The following PPP1R8 variants were observed in gnomAD, a reference collection of about 807,000 sequenced individuals.
PPP1R8 encodes protein phosphatase 1 regulatory subunit 8.
A neutral mutation model predicts 31.3 loss-of-function variants in PPP1R8; 4 were observed. The observed-to-expected ratio is 0.13, with a 90% confidence interval of 0.06 to 0.29. The LOEUF (loss-of-function observed/expected upper bound fraction) is 0.29. Among genes scored for constraint, PPP1R8 ranks in the 10% least tolerant of loss-of-function variants. PPP1R8 has a pLI of 1.00. For synonymous variants in PPP1R8, 170 were observed against 169.7 expected (o/e 1.00, Z -0.01); for missense variants, 254 against 440.1 (o/e 0.58, Z 3.78).
intron 5 of PPP1R8, among the ~76,000 whole-genome samples, chr1:27,845,380 A>C (rs1379318556): frequency 2.0e-5 from 3 of 146,778 alleles, no homozygotes; most frequent in Admixed American, 6.8e-5. Context: ...ACAGAGCAAG[A>C]CTCCGTTTCA....
chr1:27,850,482 G>GGGGGA lies in PPP1R8; in HGVS notation c.*36_*37insGGGGA. The GGGGGA allele has an allele frequency of 4.1e-5, 21 of 510,986 alleles. No individual in the cohort carries two copies. The highest frequency in any genetic ancestry group is 1.8e-4 in the East Asian group (4 of 22,538). The allele number at this position is 510,986 out of a possible 1,614,324, so 31.7% of individuals were successfully genotyped here. A position where few individuals can be genotyped will look rare whatever the true frequency, so the allele number is the denominator to read the frequency against. ...CATGGAGAAGGGTGGGATTGGGTGG[G>GGGGGA]AATGGGGTGGAAGGGTGATGGGGAG... On this transcript the variant is annotated 3_prime_UTR_variant, in exon 7 of 7. Transcript: ENST00000311772.
At chr1:27,846,535 TC>T (rs1305989542) in intron 5 of PPP1R8, among the ~76,000 whole-genome samples, 1 of 152,228 alleles carries the variant, frequency 6.6e-6, no homozygotes, top group African/African-American at 2.4e-5. Context: ...GAAACCAAAA[TC>T]CGTTTTTTTG....
intron 5 of PPP1R8, among the ~76,000 whole-genome samples, chr1:27,844,007 T>C (rs1162487691): frequency 6.6e-6 from 1 of 152,174 alleles, no homozygotes; most frequent in Non-Finnish European, 1.5e-5. Context: ...AATTTTTCTT[T>C]TTTGTGTGTG....
At position 27,850,345 on chromosome 1, in the gene PPP1R8, C is replaced by T. The variant is rs1170609407; in HGVS notation, c.955C>T (p.Pro319Ser). 6.2e-7 allele frequency: 1 copy of T among 1,614,156 alleles called. No homozygotes were observed. Among genetic ancestry groups the T allele is most frequent in the Admixed American group, 1.7e-5 (1 of 60,016 alleles). The change falls in exon 7 of 7, where the codon CCT becomes TCT. Residue 319 changes from proline (P) to serine (S), a missense_variant. Physicochemically the swap from Pro to Ser is moderately conservative, Grantham distance 74. Around this residue, in one of 6 missense-constraint regions of PPP1R8, gnomAD observed 105 missense variants for 128.0 expected, o/e 0.82. Coordinates refer to ENST00000311772, the MANE Select transcript of PPP1R8 (RefSeq NM_014110.5). ...AGTGAACATGAACCCTGCACCAAAC[C>T]CTGCAGTCTATAACCCTGAAGCTGT... ...SAVNMNPAPNPAVYNPEAVNE... is the reference protein window; with the variant it reads ...SAVNMNPAPNSAVYNPEAVNE...
intron 2 of PPP1R8, among the ~76,000 whole-genome samples, chr1:27,838,055 C>A (rs577569247): frequency 4.0e-5 from 6 of 151,630 alleles, no homozygotes; most frequent in Non-Finnish European, 8.8e-5. Context: ...ACTAAAGATA[C>A]AAAAAATTAG....
At chr1:27,837,787 A>G (rs1311340960) in intron 2 of PPP1R8, among the ~76,000 whole-genome samples, 1 of 148,506 alleles carries the variant, frequency 6.7e-6, no homozygotes, top group Non-Finnish European at 1.5e-5. Flanking sequence ...AAAAAAAAAA[A>G]AGAAGTTGGC....
chr1:27,834,033 A>G (rs772798227), intron 2 of PPP1R8, among the ~76,000 whole-genome samples: 7 of 152,194 alleles, frequency 4.6e-5, no homozygotes, highest in Admixed American at 1.3e-4. Flanking sequence ...CTTTTTTGCT[A>G]TAGATTGTTC....
Position 27,830,829 on chromosome 1 carries a change from A to T in PPP1R8, c.-7A>T. ...AGGGCGCGCCAAATGGGAGGGGGAGACGCAAGATGGCGGCAGCCGCGAACT... is the reference window on the plus strand; with the variant it reads ...AGGGCGCGCCAAATGGGAGGGGGAGTCGCAAGATGGCGGCAGCCGCGAACT... On this transcript the variant is annotated 5_prime_UTR_variant, in exon 1 of 7. Transcript: ENST00000311772. The T allele has an allele frequency of 6.3e-7, 1 of 1,574,916 alleles. No individual in the cohort carries two copies. Among genetic ancestry groups the T allele is most frequent in the Non-Finnish European group, 8.6e-7 (1 of 1,161,386 alleles).
rs2148621848 is a variant in PPP1R8 at position 27,851,059 on chromosome 1, C to T, written c.*613C>T. ...ATTTTCCTTCATCTGTGACTGGTGC[C>T]ATAGACACAGGTTTATAGTTTTAAC... On this transcript the variant is annotated 3_prime_UTR_variant, in exon 7 of 7. Coordinates refer to ENST00000311772, the MANE Select transcript of PPP1R8 (RefSeq NM_014110.5). 1 of 155,098 alleles carries T rather than the reference C, an allele frequency of 6.4e-6. No individual in the cohort carries two copies. Among genetic ancestry groups the T allele is most frequent in the East Asian group, 1.9e-4 (1 of 5,244 alleles). The allele number at this position is 155,098 out of a possible 1,614,324, so 9.6% of individuals were successfully genotyped here. A position where few individuals can be genotyped will look rare whatever the true frequency, so the allele number is the denominator to read the frequency against.
intron 4 of PPP1R8, among the ~76,000 whole-genome samples, chr1:27,842,094 A>T (rs1289915582): frequency 6.6e-6 from 1 of 152,200 alleles, no homozygotes; most frequent in African/African-American, 2.4e-5. Context: ...TAACCCCAGC[A>T]CTTCGGGAGG....
intron 3 of PPP1R8, among the ~76,000 whole-genome samples, chr1:27,839,070 T>C (rs2089197681): frequency 6.6e-6 from 1 of 152,086 alleles, no homozygotes; most frequent in African/African-American, 2.4e-5. Context: ...GAGGAATCAA[T>C]AAGCAAACAT....
chr1:27,832,375 T>A (rs1304570466), intron 1 of PPP1R8, among the ~76,000 whole-genome samples: 1 of 152,164 alleles, frequency 6.6e-6, no homozygotes, highest in African/African-American at 2.4e-5. Context: ...CAGCAACTAA[T>A]TTATTCGGTC....
chr1:27,841,096 C>T lies in PPP1R8; in HGVS notation c.354C>T (p.Gly118=), dbSNP rs367952988. ...CCATCGATTCCACGGTCTCATTTGGCGCATCCACAAGGGCATACACTCTGC... is the reference window on the plus strand; with the variant it reads ...CCATCGATTCCACGGTCTCATTTGGTGCATCCACAAGGGCATACACTCTGC... ...QIPIDSTVSF[G]ASTRAYTLRE... The change falls in exon 4 of 7, where the codon GGC becomes GGT. Residue 118 remains glycine (G), a synonymous_variant. Coordinates refer to ENST00000311772, the MANE Select transcript of PPP1R8 (RefSeq NM_014110.5). 13 of 1,614,020 alleles carry T rather than the reference C, an allele frequency of 8.1e-6. No individual in the cohort carries two copies. Among genetic ancestry groups the T allele is most frequent in the Non-Finnish European group, 8.5e-6 (10 of 1,180,038 alleles).
chr1:27,849,628 A>T (rs535305355), intron 6 of PPP1R8, among the ~76,000 whole-genome samples: 1 of 152,188 alleles, frequency 6.6e-6, no homozygotes, highest in East Asian at 1.9e-4. Context: ...AGCTGTGATT[A>T]CAGGCACCTG....
intron 2 of PPP1R8, among the ~76,000 whole-genome samples, chr1:27,836,177 C>A (rs971044986): frequency 6.6e-6 from 1 of 152,168 alleles, no homozygotes; most frequent in East Asian, 1.9e-4. Flanking sequence ...TGTGAACTAG[C>A]GTTTAATGAG....
intron 3 of PPP1R8, 95 bp from the exon 4 acceptor site, chr1:27,840,919 C>T: frequency 7.8e-7 from 1 of 1,275,164 alleles, no homozygotes; most frequent in Middle Eastern, 1.9e-4. Flanking sequence ...TGGGGGGAAG[C>T]TGACCTGATA....
At chr1:27,846,004 A>G (rs934172091) in intron 5 of PPP1R8, among the ~76,000 whole-genome samples, 1 of 151,648 alleles carries the variant, frequency 6.6e-6, no homozygotes, top group Non-Finnish European at 1.5e-5. Context: ...GTTAGCCAGG[A>G]TGGTTTCGAC....
At chr1:27,845,931 A>G (rs1209237768) in intron 5 of PPP1R8, among the ~76,000 whole-genome samples, 2 of 151,446 alleles carry the variant, frequency 1.3e-5, no homozygotes, top group Non-Finnish European at 2.9e-5. Flanking sequence ...CTGGGACTAC[A>G]GGTGCACGCC....
At chr1:27,848,592 A>G (rs1374364777) in intron 6 of PPP1R8, among the ~76,000 whole-genome samples, 1 of 152,136 alleles carries the variant, frequency 6.6e-6, no homozygotes, top group Non-Finnish European at 1.5e-5. Context: ...ATGATATAGA[A>G]AGTTTTACTT....
Sources: gnomAD v4.1 joint callset for allele counts (sites outside exome capture counted in the v4.1 genomes callset) on GRCh38, gnomAD v4.1.1 for gene constraint, gnomAD v4.1.1 regional missense constraint, MANE v1.5 for transcripts, NCBI Gene and HGNC (gene_info 2026-07-23, HGNC 2026-07-21) for gene names.